WDR76: variants seen among roughly 807,000 people sequenced by gnomAD.
WDR76 encodes WD repeat-containing protein 76.
Under a neutral mutation model 70.2 loss-of-function variants are expected in WDR76, and 52 were observed. That is an observed-to-expected ratio of 0.74 (90% confidence interval 0.59 to 0.93). The LOEUF (loss-of-function observed/expected upper bound fraction) is 0.93. WDR76 is among the 40% of genes least tolerant of loss of function. WDR76 has a pLI of 0.00. For missense variants in WDR76, 756 were observed against 760.2 expected (o/e 0.99, Z 0.07); for synonymous variants, 292 against 271.1 (o/e 1.08, Z -0.76).
chr15:43,861,206 A>G (rs1310074088), intron 11 of WDR76, 127 bp from the exon 12 acceptor site: 2 of 821,316 alleles, frequency 2.4e-6, no homozygotes, highest in Non-Finnish European at 3.9e-6. Context: ...GCCTGATCCT[A>G]CATATTTTTA....
chr15:43,865,081 C>T (rs555059380), intron 12 of WDR76, among the ~76,000 whole-genome samples: 6 of 152,008 alleles, frequency 3.9e-5, no homozygotes, highest in African/African-American at 1.4e-4. Flanking sequence ...ACCACCATGC[C>T]TGGCTAATTT....
chr15:43,850,976 A>C (rs1376745296), intron 8 of WDR76, 111 bp from the exon 9 acceptor site: 12 of 1,339,364 alleles, frequency 9.0e-6, no homozygotes, highest in Middle Eastern at 1.9e-4. Flanking sequence ...TAGACTAAGA[A>C]AAGACTGAAT....
chr15:43,844,133 G>A (rs2087758327), intron 8 of WDR76, 79 bp downstream of exon 8: 1 of 1,299,422 alleles, frequency 7.7e-7, no homozygotes, highest in Non-Finnish European at 1.0e-6. Flanking sequence ...AGAGCCATGT[G>A]TTTATAAATG....
At chr15:43,848,354 A>G (rs2087814436) in intron 8 of WDR76, among the ~76,000 whole-genome samples, 1 of 152,256 alleles carries the variant, frequency 6.6e-6, no homozygotes, top group Non-Finnish European at 1.5e-5. Context: ...GCTAGGAGAC[A>G]GCATAATTTA....
intron 1 of WDR76, 28 bp from the exon 2 acceptor site, chr15:43,827,937 T>C (rs1212411627): frequency 3.8e-6 from 6 of 1,562,144 alleles, no homozygotes; most frequent in East Asian, 2.2e-5. Flanking sequence ...AGTTCTAATA[T>C]TCTGTTTTCT....
chr15:43,849,081 A>G (rs1459144404), intron 8 of WDR76, among the ~76,000 whole-genome samples: 1 of 151,326 alleles, frequency 6.6e-6, no homozygotes, highest in East Asian at 1.9e-4. Context: ...AGGCTGAGAC[A>G]GGAGAATCGC....
At chr15:43,836,708 C>T (rs1228419977) in intron 4 of WDR76, among the ~76,000 whole-genome samples, 2 of 151,966 alleles carry the variant, frequency 1.3e-5, no homozygotes, top group Non-Finnish European at 2.9e-5. Flanking sequence ...GTAATATATT[C>T]ATTTTGTGAG....
chr15:43,838,932 C>T (rs1350339366), intron 4 of WDR76, among the ~76,000 whole-genome samples: 1 of 152,100 alleles, frequency 6.6e-6, no homozygotes, highest in Non-Finnish European at 1.5e-5. Context: ...ATATAGTATA[C>T]TTTCAATCAG....
intron 4 of WDR76, among the ~76,000 whole-genome samples, chr15:43,838,777 ATTC>A (rs1333823638): frequency 6.6e-6 from 1 of 152,094 alleles, no homozygotes; most frequent in Admixed American, 6.6e-5. Context: ...TGCTCCAAAC[ATTC>A]TTAAGTCTCT....
At chr15:43,850,338 C>G (rs1303048830) in intron 8 of WDR76, among the ~76,000 whole-genome samples, 2 of 151,176 alleles carry the variant, frequency 1.3e-5, no homozygotes, top group African/African-American at 4.9e-5. Context: ...CTCTGTCACC[C>G]AGGCTGGAGT....
rs1330226703 is a variant in WDR76 at position 43,846,970 on chromosome 15, C to T, written c.1032+2916C>T. 6.1e-5 allele frequency among the ~76,000 whole-genome samples: 9 copies of T among 146,354 alleles called. No individual in the cohort carries two copies. In the South Asian group the frequency reaches 8.6e-4, roughly 14 times the overall value. Reference sequence around the variant, plus strand: ...ACAGGAGACGGAGGTTGCAGTGAGCCGAGATGGCGCCATTGCACTCCAGCC... The same window carrying T: ...ACAGGAGACGGAGGTTGCAGTGAGCTGAGATGGCGCCATTGCACTCCAGCC... On this transcript the variant is annotated intron_variant, in intron 8 of 12. Transcript: ENST00000263795.
chr15:43,844,613 CAAAA>C (rs35536883), intron 8 of WDR76, among the ~76,000 whole-genome samples: 1 of 91,530 alleles, frequency 1.1e-5, no homozygotes, highest in Non-Finnish European at 2.1e-5. Context: ...GACTCCGTCT[CAAAA>C]AAAAAAAAAG....
chr15:43,857,109 G>A lies in WDR76; in HGVS notation c.1355G>A (p.Arg452Lys), dbSNP rs773446702. The change falls in exon 10 of 13, where the codon AGA becomes AAA. Residue 452 changes from arginine (R) to lysine (K), a missense_variant. By Grantham distance (26) the Arg-to-Lys change is conservative (BLOSUM62 2). Coordinates refer to ENST00000263795, the MANE Select transcript of WDR76 (RefSeq NM_024908.4). ...ACCAGTTCTTCTATGGGAAAAATAA[G>A]AACTGTTCATGTCCACCCAGTGCAT... Reference protein sequence around the residue: ...KLTSSSMGKIRTVHVHPVHRQ... With the variant: ...KLTSSSMGKIKTVHVHPVHRQ... 2 of 1,614,014 alleles carry A rather than the reference G, an allele frequency of 1.2e-6. No homozygotes were observed. Among genetic ancestry groups the A allele is most frequent in the Non-Finnish European group, 1.7e-6 (2 of 1,179,968 alleles).
chr15:43,857,250 A>T, intron 10 of WDR76, 87 bp downstream of exon 10: 1 of 1,290,242 alleles, frequency 7.8e-7, no homozygotes, highest in Non-Finnish European at 1.1e-6. Context: ...ATTGTAATAC[A>T]ATATTACAAA....
rs1410313386 is a variant in WDR76, at chr15:43,846,299, C to T, written c.1032+2245C>T. On this transcript the variant is annotated intron_variant, in intron 8 of 12. Transcript: ENST00000263795. Reference sequence around the variant, plus strand: ...TAGAGACTTTTTTTTTTTTTTCCCGCCCCTGAGATACGGTCCCACTCTGTT... The same window carrying T: ...TAGAGACTTTTTTTTTTTTTTCCCGTCCCTGAGATACGGTCCCACTCTGTT... 2.0e-5 allele frequency among the ~76,000 whole-genome samples: 3 copies of T among 147,194 alleles called. No individual in the cohort carries two copies. The South Asian group carries it at 6.4e-4, about 31-fold the overall frequency.
chr15:43,861,286 A>G (rs1041931804), intron 11 of WDR76, 47 bp from the exon 12 acceptor site: 1 of 1,486,066 alleles, frequency 6.7e-7, no homozygotes, highest in African/African-American at 1.4e-5. Context: ...TTTATTTCAG[A>G]AAGTTTTTAA....
At chr15:43,835,301 C>T (rs531900031) in intron 3 of WDR76, 151 bp downstream of exon 3, 47 of 552,970 alleles carry the variant, frequency 8.5e-5, no homozygotes, top group African/African-American at 1.7e-4. Flanking sequence ...ACCCGCCCCC[C>T]GCCCCCCGCC....
At chr15:43,854,630 T>C (rs757793552) in intron 9 of WDR76, among the ~76,000 whole-genome samples, 3 of 152,102 alleles carry the variant, frequency 2.0e-5, no homozygotes, top group African/African-American at 4.8e-5. Flanking sequence ...TTTGGTGAAT[T>C]GTGTACACAT....
intron 8 of WDR76, among the ~76,000 whole-genome samples, chr15:43,849,830 G>A (rs2087834257): frequency 1.3e-5 from 2 of 152,126 alleles, no homozygotes; most frequent in African/African-American, 4.8e-5. Context: ...CACCGCGCCT[G>A]GCCTGGAGTG....
Sources: gnomAD v4.1 joint callset for allele counts (sites outside exome capture counted in the v4.1 genomes callset) on GRCh38, gnomAD v4.1.1 for gene constraint, MANE v1.5 for transcripts, NCBI Gene and HGNC (gene_info 2026-07-23, HGNC 2026-07-21) for gene names.